NTF4: variants seen among roughly 807,000 people sequenced by gnomAD.
NTF4 encodes neurotrophin 4, also known as neurotrophin-4.
Under a neutral mutation model 4.4 loss-of-function variants are expected in NTF4, and 2 were observed. The ratio of observed to expected loss-of-function variants is 0.46; its 90% CI spans 0.19 to 1.44. NTF4 has a LOEUF of 1.44. NTF4 is among the 40% of genes most tolerant of loss of function. The pLI is 0.26. For synonymous variants in NTF4, 127 were observed against 122.0 expected, an observed-to-expected ratio of 1.04 and a Z score of -0.27; for missense variants, 260 against 293.0, an observed-to-expected ratio of 0.89 and a Z score of 0.82.
At chr19:49,059,397 A>G (rs2040105176), downstream of NTF4, among the ~76,000 whole-genome samples, 1 of 152,140 alleles carries the variant, frequency 6.6e-6, no homozygotes, top group African/African-American at 2.4e-5. Flanking sequence ...TGAGTGAGGA[A>G]TAAATACAAC....
upstream of NTF4, among the ~76,000 whole-genome samples, chr19:49,063,403 C>T (rs1214544234): frequency 1.3e-5 from 2 of 150,972 alleles, no homozygotes; most frequent in African/African-American, 2.4e-5. Flanking sequence ...CTGCAAGCTC[C>T]GCCTCCCAAG....
rs768356187 is a variant in NTF4, at chr19:49,061,186, T to C, written c.*179A>G. 3.5e-5 allele frequency: 42 copies of C among 1,214,622 alleles called. No individual in the cohort carries two copies. Among genetic ancestry groups the C allele is most frequent in the Non-Finnish European group, 4.4e-5 (39 of 883,964 alleles). The allele number at this position is 1,214,622 out of a possible 1,614,324, so 75.2% of individuals were successfully genotyped here. A position where few individuals can be genotyped will look rare whatever the true frequency, so the allele number is the denominator to read the frequency against. ...TACCCTCAAGTTGCTCCAGGAGAACTCCTATTCAACCTCCAAAACCCCATG... is the reference window on the plus strand; with the variant it reads ...TACCCTCAAGTTGCTCCAGGAGAACCCCTATTCAACCTCCAAAACCCCATG... On this transcript the variant is annotated 3_prime_UTR_variant, in exon 1 of 1. Transcript: ENST00000593537. The surrounding 1 kb of genome is among the most constrained non-coding windows in gnomAD (Gnocchi z 4.9).
chr19:49,058,627 G>A (rs890142982), downstream of NTF4: 35 of 401,244 alleles, frequency 8.7e-5, no homozygotes, highest in Non-Finnish European at 1.3e-4. Flanking sequence ...CCGTGGGCGG[G>A]GGGAAGGGTA....
upstream of NTF4, among the ~76,000 whole-genome samples, chr19:49,062,905 G>A (rs2040170753): frequency 1.3e-5 from 2 of 152,324 alleles, no homozygotes; most frequent in Admixed American, 1.3e-4. Flanking sequence ...CACACAGCCA[G>A]CAAATGGCAG....
upstream of NTF4, among the ~76,000 whole-genome samples, chr19:49,062,930 C>T (rs547953253): frequency 6.6e-6 from 1 of 152,296 alleles, no homozygotes; most frequent in South Asian, 2.1e-4. Context: ...GGGACTTCAC[C>T]TCTGGGCAAC....
At chr19:49,059,624 C>T (rs981108098), downstream of NTF4, among the ~76,000 whole-genome samples, 2 of 152,160 alleles carry the variant, frequency 1.3e-5, no homozygotes, top group African/African-American at 2.4e-5. Context: ...GAGAAGTTGC[C>T]TATGTCCTTT....
rs752041542 is a variant in NTF4 at position 49,061,675 on chromosome 19, C to T, written c.323G>A (p.Arg108Gln). ...GCGCCCACGCAAGTCCACAGCGGTC[C>T]GGCGGTCTGTCACCCAGCCACTGAC... Residue 108 changes from arginine (R) to glutamine (Q), a missense_variant, in exon 1 of 1, where the codon CGG (arginine) becomes CAG (glutamine). Physicochemically the swap from Arg to Gln is conservative, Grantham distance 43. Coordinates refer to ENST00000593537, the Ensembl canonical transcript of NTF4. The surrounding 1 kb of genome is among the most constrained non-coding windows in gnomAD (Gnocchi z 4.9). 12 of 1,613,160 alleles carry T rather than the reference C, an allele frequency of 7.4e-6. No individual in the cohort carries two copies. In the Admixed American group the frequency reaches 8.3e-5, roughly 11 times the overall value.
chr19:49,061,879 T>C lies in NTF4; in HGVS notation c.119A>G (p.Asp40Gly). Reference sequence around the variant, plus strand: ...CAGGACTACTCGGGGGGAGAGAAGGTCCCACTCAGGGGCCAGAAAAGGGGG... The same window carrying C: ...CAGGACTACTCGGGGGGAGAGAAGGCCCCACTCAGGGGCCAGAAAAGGGGG... The change falls in exon 1 of 1, where the codon GAC becomes GGC. Residue 40 changes from aspartate (D) to glycine (G), a missense_variant. Coordinates refer to ENST00000593537, the Ensembl canonical transcript of NTF4. This position sits in a 1 kb window ranked among gnomAD's most constrained non-coding sequence, Gnocchi z 4.9. 1.3e-6 allele frequency: 2 copies of C among 1,528,722 alleles called. No individual in the cohort carries two copies. The highest frequency in any genetic ancestry group is 1.8e-6 in the Non-Finnish European group (2 of 1,132,108). The allele number at this position is 1,528,722 out of a possible 1,614,324, so 94.7% of individuals were successfully genotyped here.
chr19:49,063,170 C>A (rs1600250598), upstream of NTF4, among the ~76,000 whole-genome samples: 1 of 151,950 alleles, frequency 6.6e-6, no homozygotes, highest in African/African-American at 2.4e-5. Flanking sequence ...CTGTGCCCAG[C>A]TAATTTTTGT....
downstream of NTF4, chr19:49,058,403 C>G (rs1384141473): frequency 1.5e-5 from 12 of 819,872 alleles, no homozygotes; most frequent in Non-Finnish European, 2.2e-5. Flanking sequence ...TATCACCCCC[C>G]ACCCCAAACT....
At chr19:49,062,462 T>C (rs1235760065), upstream of NTF4, among the ~76,000 whole-genome samples, 1 of 152,158 alleles carries the variant, frequency 6.6e-6, no homozygotes, top group African/African-American at 2.4e-5. Context: ...CCCTGCCACC[T>C]GGGCGACAAG....
chr19:49,060,353 T>A (rs1329170074), downstream of NTF4, among the ~76,000 whole-genome samples: 2 of 152,050 alleles, frequency 1.3e-5, no homozygotes, highest in African/African-American at 4.8e-5. Context: ...TTTTTTGAAA[T>A]GGAGTTTCGC....
chr19:49,063,316 A>ATT (rs1205338872), upstream of NTF4, among the ~76,000 whole-genome samples: 30 of 132,880 alleles, frequency 2.3e-4, no homozygotes, highest in South Asian at 4.9e-4. Flanking sequence ...CCCAAACAAA[A>ATT]TTTTTTTTTT....
Position 49,061,225 on chromosome 19 carries a change from C to T in NTF4, c.*140G>A. 2.0e-6 allele frequency: 3 copies of T among 1,505,854 alleles called. No homozygotes were observed. Among genetic ancestry groups the T allele is most frequent in the Non-Finnish European group, 2.7e-6 (3 of 1,125,814 alleles). The allele number at this position is 1,505,854 out of a possible 1,614,324, so 93.3% of individuals were successfully genotyped here. ...CAAAACCCCATGTGGTTTCACCCAT[C>T]CTGCAGAGATTGAGCTCAAAATCAG... On this transcript the variant is annotated 3_prime_UTR_variant, in exon 1 of 1. Coordinates refer to ENST00000593537, the Ensembl canonical transcript of NTF4. The surrounding 1 kb of genome is among the most constrained non-coding windows in gnomAD (Gnocchi z 4.9).
downstream of NTF4, among the ~76,000 whole-genome samples, chr19:49,059,784 A>T (rs957180870): frequency 2.6e-5 from 4 of 152,084 alleles, no homozygotes; most frequent in Non-Finnish European, 5.9e-5. Flanking sequence ...GCAGTGGCTC[A>T]TGCCCGTAAT....
chr19:49,061,660 A>G lies in NTF4; in HGVS notation c.338T>C (p.Leu113Ser), dbSNP rs1463461589. The G allele has an allele frequency of 1.2e-6, 2 of 1,613,452 alleles. No individual in the cohort carries two copies. Among genetic ancestry groups the G allele is most frequent in the East Asian group, 4.5e-5 (2 of 44,894 alleles). ...CAACACCTCCACCTCGCGCCCACGC[A>G]AGTCCACAGCGGTCCGGCGGTCTGT... Residue 113 changes from leucine to serine, a missense_variant, in exon 1 of 1, where the codon TTG becomes TCG. Coordinates refer to ENST00000593537, the Ensembl canonical transcript of NTF4. This position sits in a 1 kb window ranked among gnomAD's most constrained non-coding sequence, Gnocchi z 4.9.
At chr19:49,059,023 G>A (rs1460095134), downstream of NTF4, among the ~76,000 whole-genome samples, 1 of 152,076 alleles carries the variant, frequency 6.6e-6, no homozygotes, top group Non-Finnish European at 1.5e-5. Flanking sequence ...CCAGGGGGTG[G>A]GGGAGACAGA....
downstream of NTF4, chr19:49,058,616 A>G (rs561282669): frequency 2.4e-6 from 1 of 415,796 alleles, no homozygotes; most frequent in African/African-American, 2.1e-5. Flanking sequence ...GCCCACCTGC[A>G]CCGTGGGCGG....
downstream of NTF4, among the ~76,000 whole-genome samples, chr19:49,060,185 CCCT>C (rs1750281363): frequency 6.6e-6 from 1 of 151,828 alleles, no homozygotes; most frequent in Non-Finnish European, 1.5e-5. Context: ...TCCCACTTAC[CCCT>C]CCTCCCCCAT....
Sources: allele counts gnomAD v4.1 joint callset (sites outside exome capture counted in the v4.1 genomes callset), GRCh38; gene constraint gnomAD v4.1.1; non-coding constraint Gnocchi (gnomAD v3.1); transcripts MANE v1.5; gene names NCBI Gene and HGNC (gene_info 2026-07-23, HGNC 2026-07-21).